The following SORD variants were observed in gnomAD, a reference collection of about 807,000 sequenced individuals.
The protein encoded by SORD is sorbitol dehydrogenase.
A neutral mutation model predicts 35.6 loss-of-function variants in SORD; 18 were observed. The observed-to-expected ratio is 0.51, with a 90% CI of 0.35 to 0.75. The LOEUF is 0.75. Among genes scored for constraint, SORD ranks in the 30% least tolerant of loss-of-function variants. The pLI is 0.01. For synonymous variants in SORD, 106 were observed against 152.9 expected, an observed-to-expected ratio of 0.69 and a Z score of 2.26; for missense variants, 250 against 390.2, an observed-to-expected ratio of 0.64 and a Z score of 3.03.
In SORD at chr15:45,068,176, T is replaced by A. The variant is rs1473699556; in HGVS notation, c.545-5T>A. ...CGAACATATTCCATCTTCTGCTTTG[T>A]TTAGGGCCAATCGGGATGGTCACTT... is the stretch of plus-strand genomic sequence containing the variant. On this transcript the variant is annotated splice_polypyrimidine_tract_variant and splice_region_variant and intron_variant, in intron 5 of 8. Coordinates refer to ENST00000267814, the MANE Select transcript of SORD (RefSeq NM_003104.6). 2.5e-6 allele frequency: 4 copies of A among 1,612,844 alleles called. No individual in the cohort carries two copies. The Admixed American group carries it at 6.7e-5, about 27-fold the overall frequency.
chr15:45,055,258 GA>G (rs1190336925), intron 3 of SORD, among the ~76,000 whole-genome samples: 1 of 151,566 alleles, frequency 6.6e-6, no homozygotes, highest in African/African-American at 2.4e-5. Flanking sequence ...GACTAATAAG[GA>G]AAAAAAGAGA....
chr15:45,051,097 A>G (rs1355039062), intron 3 of SORD, among the ~76,000 whole-genome samples: 8 of 152,334 alleles, frequency 5.3e-5, no homozygotes, highest in African/African-American at 1.4e-4. Context: ...ATTATAAACT[A>G]TCTTTTGAAG....
chr15:45,035,185 A>C (rs1049711027), intron 1 of SORD, among the ~76,000 whole-genome samples: 4 of 152,118 alleles, frequency 2.6e-5, no homozygotes, highest in Admixed American at 2.0e-4. Context: ...CACGGCGCCC[A>C]ATCCCATCGA....
chr15:45,027,170 T>G (rs931271564), intron 1 of SORD, among the ~76,000 whole-genome samples: 2 of 152,264 alleles, frequency 1.3e-5, no homozygotes, highest in Non-Finnish European at 2.9e-5. Flanking sequence ...TCCCTTCATT[T>G]TGAATAGAGA....
intron 1 of SORD, among the ~76,000 whole-genome samples, chr15:45,038,126 C>T (rs1425128994): frequency 8.2e-6 from 1 of 122,244 alleles, no homozygotes; most frequent in Non-Finnish European, 1.8e-5. Context: ...CTCGCATCCT[C>T]CCTTCCTTCC....
chr15:45,027,719 C>T (rs556529819), intron 1 of SORD, among the ~76,000 whole-genome samples: 9 of 152,174 alleles, frequency 5.9e-5, no homozygotes, highest in African/African-American at 2.2e-4. Flanking sequence ...GACCCAGAAG[C>T]TTTTAATTAG....
Position 45,068,164 on chromosome 15 carries a change from T to C in SORD, c.545-17T>C. ...TTTAATATTTCACGAACATATTCCATCTTCTGCTTTGTTTAGGGCCAATCG... is the reference window on the plus strand; with the variant it reads ...TTTAATATTTCACGAACATATTCCACCTTCTGCTTTGTTTAGGGCCAATCG... On this transcript the variant is annotated splice_polypyrimidine_tract_variant and intron_variant, in intron 5 of 8. Coordinates refer to ENST00000267814, the MANE Select transcript of SORD (RefSeq NM_003104.6). The C allele has an allele frequency of 6.2e-7, 1 of 1,607,782 alleles. No individual in the cohort carries two copies. The highest frequency in any genetic ancestry group is 8.5e-7 in the Non-Finnish European group (1 of 1,174,234).
chr15:45,054,600 G>A (rs1893182848), intron 3 of SORD, among the ~76,000 whole-genome samples: 1 of 151,940 alleles, frequency 6.6e-6, no homozygotes, highest in South Asian at 2.1e-4. Flanking sequence ...TAGGTTGCCT[G>A]TTCACTCTGA....
chr15:45,050,413 T>C (rs1893107111), intron 3 of SORD: 1 of 152,252 alleles, frequency 6.6e-6, no homozygotes, highest in African/African-American at 2.4e-5. Flanking sequence ...GCCATGGATT[T>C]GTATACTCAA....
intron 3 of SORD, among the ~76,000 whole-genome samples, chr15:45,053,738 C>T (rs1016191031): frequency 2.0e-5 from 3 of 149,478 alleles, no homozygotes; most frequent in African/African-American, 7.4e-5. Context: ...TGGTGTGCTG[C>T]ACCCATTAAC....
intron 1 of SORD, among the ~76,000 whole-genome samples, chr15:45,028,224 A>T (rs1467070246): frequency 6.6e-6 from 1 of 152,240 alleles, no homozygotes; most frequent in Non-Finnish European, 1.5e-5. Flanking sequence ...GCTACTCAGG[A>T]GGCTGAGGCA....
intron 1 of SORD, among the ~76,000 whole-genome samples, chr15:45,034,834 A>G (rs915763374): frequency 1.8e-4 from 28 of 152,156 alleles, no homozygotes; most frequent in African/African-American, 6.8e-4. Flanking sequence ...AGGTGTGGAG[A>G]GAGAGGCGCG....
In SORD at chr15:45,067,393, T is replaced by C. The variant is rs528951856; in HGVS notation, c.545-788T>C. The stretch of plus-strand genomic sequence containing the variant: ...TACTGTGAACATTTTTCCATGTCAA[T>C]AGATAAAGAGTTATGGCGTAATTTT... On this transcript the variant is annotated intron_variant, in intron 5 of 8. Transcript: ENST00000267814. 9.8e-5 allele frequency among the ~76,000 whole-genome samples: 15 copies of C among 152,290 alleles called. No homozygotes were observed. In the East Asian group the frequency reaches 2.3e-3, roughly 23 times the overall value.
chr15:45,042,698 G>A (rs1308755910), intron 2 of SORD, among the ~76,000 whole-genome samples: 1 of 151,946 alleles, frequency 6.6e-6, no homozygotes, highest in Non-Finnish European at 1.5e-5. Context: ...GTTCTCTTAA[G>A]TGGTTGGTAC....
chr15:45,069,229 C>CA (rs1256252561), intron 7 of SORD, among the ~76,000 whole-genome samples, 177 bp downstream of exon 7: 1 of 93,936 alleles, frequency 1.1e-5, no homozygotes, highest in Non-Finnish European at 2.0e-5. Context: ...TTTTTTGAGA[C>CA]AGAGTCTCAC....
intron 1 of SORD, 48 bp downstream of exon 1, chr15:45,023,397 C>G (rs1892620604): frequency 6.9e-7 from 1 of 1,442,162 alleles, no homozygotes; most frequent in Admixed American, 2.6e-5. Context: ...GCCTCACTCT[C>G]CTCTGAGCCC....
At chr15:45,049,050 C>A (rs1048489938) in intron 3 of SORD, among the ~76,000 whole-genome samples, 3 of 152,134 alleles carry the variant, frequency 2.0e-5, no homozygotes, top group African/African-American at 2.4e-5. Context: ...CATGTACATG[C>A]CTGAAAAGGG....
At chr15:45,062,985 C>G (rs1893346037) in intron 4 of SORD, among the ~76,000 whole-genome samples, 1 of 148,536 alleles carries the variant, frequency 6.7e-6, no homozygotes, top group African/African-American at 2.6e-5. Context: ...ATGCCATAGT[C>G]ATGGCCTAGT....
At position 45,057,523 on chromosome 15, in the gene SORD, G is replaced by A. The variant is rs140060363; in HGVS notation, c.266-3544G>A. Among the ~76,000 whole-genome samples the A allele has an allele frequency of 9.6e-3, 1,469 of 152,288 alleles. 35 individuals are homozygous for A. The highest frequency in any genetic ancestry group is 0.034 in the African/African-American group (1,399 of 41,560). On this transcript the variant is annotated intron_variant, in intron 3 of 8. Transcript: ENST00000267814. ...GATTTGGCTGGGCGTGGTGGCTCAC[G>A]CCTGTAATCCCAGCACTTTGGGAGG... is the stretch of plus-strand genomic sequence containing the variant.
Sources: allele counts gnomAD v4.1 joint callset (sites outside exome capture counted in the v4.1 genomes callset), GRCh38; gene constraint gnomAD v4.1.1; transcripts MANE v1.5; gene names NCBI Gene and HGNC (gene_info 2026-07-23, HGNC 2026-07-21).